Variants in LIMCH1 observed in about 807,000 individuals in gnomAD.
LIMCH1 encodes the protein LIM and calponin homology domains 1, also known as LIM and calponin homology domains-containing protein 1.
Under a neutral mutation model 176.5 loss-of-function variants are expected in LIMCH1, and 113 were observed. The ratio of observed to expected loss-of-function variants is 0.64; its 90% CI spans 0.55 to 0.75. LIMCH1 has a LOEUF of 0.75. LIMCH1 is among the 30% of genes least tolerant of loss of function. The pLI is 0.00. For missense variants in LIMCH1, 1,674 were observed against 1,814.9 expected, an observed-to-expected ratio of 0.92 and a Z score of 1.41; for synonymous variants, 619 against 645.9, an observed-to-expected ratio of 0.96 and a Z score of 0.63.
chr4:41,632,534 CAG>C (rs1446119687), intron 10 of LIMCH1, among the ~76,000 whole-genome samples: 6 of 152,194 alleles, frequency 3.9e-5, no homozygotes, highest in African/African-American at 1.4e-4. Flanking sequence ...CTTGTGGTGA[CAG>C]AGTCACACAG....
intron 1 of LIMCH1, among the ~76,000 whole-genome samples, chr4:41,564,343 C>G (rs2082436831): frequency 6.6e-6 from 1 of 152,104 alleles, no homozygotes; most frequent in South Asian, 2.1e-4. Flanking sequence ...TCAGGTTTTC[C>G]TGGTTCCCGT....
chr4:41,466,167 C>T (rs1287093433), intron 1 of LIMCH1, among the ~76,000 whole-genome samples: 1 of 152,130 alleles, frequency 6.6e-6, no homozygotes, highest in Non-Finnish European at 1.5e-5. Flanking sequence ...CCATGTTGGC[C>T]AGGATGGTCT....
rs762979334 is a variant in LIMCH1 at position 41,646,686 on chromosome 4, G to C, written c.2613G>C (p.Met871Ile). 6.2e-7 allele frequency: 1 copy of C among 1,614,186 alleles called. No individual in the cohort carries two copies. The highest frequency in any genetic ancestry group is 1.7e-5 in the Admixed American group (1 of 60,026). The change falls in exon 17 of 32, where the codon ATG (methionine) becomes ATC (isoleucine). Residue 871 changes from methionine to isoleucine, a missense_variant. Coordinates refer to ENST00000503057, the MANE Select transcript of LIMCH1 (RefSeq NM_001330672.2). ...CCTTCCTGAATGACCCCAATCCCAT[G>C]AAATACCTGCGGCAACAGTCACTGC... The part of the protein sequence containing the change: ...LSSFLNDPNP[M>I]KYLRQQSLPP...
At chr4:41,503,589 T>G (rs74776003) in intron 2 of LIMCH1, among the ~76,000 whole-genome samples, 9,463 of 152,216 alleles carry the variant, frequency 0.062, 331 homozygotes, top group Non-Finnish European at 0.07. Flanking sequence ...CATAGGGGTG[T>G]GTTCAGAGAA....
chr4:41,419,138 A>G (rs1483253342), intron 1 of LIMCH1, among the ~76,000 whole-genome samples: 1 of 126,408 alleles, frequency 7.9e-6, no homozygotes, highest in African/African-American at 3.5e-5. Context: ...ATTTTATTTT[A>G]TTTTATTTTA....
chr4:41,620,693 C>T lies in LIMCH1; in HGVS notation c.725+3C>T. 1 of 1,529,360 alleles carries T rather than the reference C, an allele frequency of 6.5e-7. No individual in the cohort carries two copies. The highest frequency in any genetic ancestry group is 8.8e-7 in the Non-Finnish European group (1 of 1,142,322). 94.7% of individuals were successfully genotyped at this position (1,529,360 alleles called of 1,614,324 possible). ...CCAGCAGCACAGCGCTTTGCCAGGTCAGCTCTGGGCTGAGGGCTGGCCCGG... is the reference window on the plus strand; with the variant it reads ...CCAGCAGCACAGCGCTTTGCCAGGTTAGCTCTGGGCTGAGGGCTGGCCCGG... On this transcript the variant is annotated splice_donor_region_variant and intron_variant, in intron 7 of 31. Coordinates refer to ENST00000503057, the MANE Select transcript of LIMCH1 (RefSeq NM_001330672.2).
At chr4:41,633,369 G>A (rs1214852956) in intron 12 of LIMCH1, among the ~76,000 whole-genome samples, 179 bp from the exon 13 acceptor site, 3 of 152,204 alleles carry the variant, frequency 2.0e-5, no homozygotes, top group South Asian at 4.1e-4. Context: ...GTGAGTATCA[G>A]CTGCATGACA....
chr4:41,538,753 G>A (rs1039392210), intron 1 of LIMCH1, among the ~76,000 whole-genome samples: 4 of 152,100 alleles, frequency 2.6e-5, no homozygotes, highest in African/African-American at 9.7e-5. Flanking sequence ...CTGCATTCAT[G>A]GTGGGGCTGC....
intron 1 of LIMCH1, among the ~76,000 whole-genome samples, chr4:41,579,003 C>G (rs2084958268): frequency 6.6e-6 from 1 of 151,646 alleles, no homozygotes; most frequent in Admixed American, 6.6e-5. Context: ...GCACCCAGCT[C>G]TATTTATATT....
intron 17 of LIMCH1, among the ~76,000 whole-genome samples, 184 bp from the exon 18 acceptor site, chr4:41,650,209 C>T (rs2094231422): frequency 6.6e-6 from 1 of 152,164 alleles, no homozygotes; most frequent in Non-Finnish European, 1.5e-5. Context: ...AGGAGGCCCT[C>T]AAAGATAGCA....
At position 41,549,200 on chromosome 4, in the gene LIMCH1, T is replaced by C. The variant is rs573278474; in HGVS notation, c.-241+10850T>C. ...GGCCACTGTGCTGGGCCTGTTAATA[T>C]TAACTACCATTTATTTAGTACCTAC... On this transcript the variant is annotated intron_variant, in intron 1 of 31. Transcript: ENST00000503057. Among the ~76,000 whole-genome samples the C allele has an allele frequency of 3.9e-5, 6 of 152,312 alleles. 1 individual carries two copies. The South Asian group carries it at 1.2e-3, about 32-fold the overall frequency.
chr4:41,663,135 G>T (rs1302037543), intron 20 of LIMCH1, 151 bp downstream of exon 20: 38 of 113,926 alleles, frequency 3.3e-4, no homozygotes, highest in Middle Eastern at 1.9e-3. Context: ...TTTCTTTTTC[G>T]TGTGTGTGTG....
At chr4:41,543,795 A>C (rs2078998309) in intron 1 of LIMCH1, among the ~76,000 whole-genome samples, 1 of 152,038 alleles carries the variant, frequency 6.6e-6, no homozygotes, top group Non-Finnish European at 1.5e-5. Context: ...TGTGGTGTGT[A>C]TTTATTTTGT....
chr4:41,629,682 A>G lies in LIMCH1; in HGVS notation c.1219A>G (p.Thr407Ala), dbSNP rs1354985734. Reference sequence around the variant, plus strand: ...GAGCTTCATTACGCTCTCCAACATAACAGAAGCTGACTTGGAGACGTGGGA... The same window carrying G: ...GAGCTTCATTACGCTCTCCAACATAGCAGAAGCTGACTTGGAGACGTGGGA... ...PPSFITLSNI[T>A]EADLETWERL... Residue 407 changes from threonine to alanine, a missense_variant, in exon 9 of 32, where the codon ACA (threonine) becomes GCA (alanine). This residue lies in a region of LIMCH1 where 655 missense variants were observed against 692.2 expected (regional missense o/e 0.95). Coordinates refer to ENST00000503057, the MANE Select transcript of LIMCH1 (RefSeq NM_001330672.2). 2.0e-6 allele frequency: 3 copies of G among 1,535,976 alleles called. No homozygotes were observed. The highest frequency in any genetic ancestry group is 1.7e-6 in the Non-Finnish European group (2 of 1,146,862).
At chr4:41,463,452 G>A (rs1244606004) in intron 1 of LIMCH1, among the ~76,000 whole-genome samples, 2 of 152,080 alleles carry the variant, frequency 1.3e-5, no homozygotes, top group African/African-American at 2.4e-5. Context: ...AATTAAATTG[G>A]TGGAAAGCTA....
intron 5 of LIMCH1, among the ~76,000 whole-genome samples, chr4:41,618,452 A>G (rs2092308266): frequency 6.6e-6 from 1 of 152,214 alleles, no homozygotes. Context: ...ACTGTGTACA[A>G]AGGCAATGAC....
chr4:41,654,294 G>C (rs889496038), intron 18 of LIMCH1, among the ~76,000 whole-genome samples: 10 of 152,264 alleles, frequency 6.6e-5, no homozygotes, highest in Admixed American at 5.9e-4. Flanking sequence ...GCATGGTTGT[G>C]AGTGAGCCGC....
Position 41,699,737 on chromosome 4 carries a change from G to A in LIMCH1, c.*2552G>A, listed in dbSNP as rs1732362599. 6.6e-6 allele frequency: 1 copy of A among 152,076 alleles called. No individual in the cohort carries two copies. Among genetic ancestry groups the A allele is most frequent in the Non-Finnish European group, 1.5e-5 (1 of 68,000 alleles). 9.4% of individuals were successfully genotyped at this position (152,076 alleles called of 1,614,324 possible). On this transcript the variant is annotated 3_prime_UTR_variant, in exon 32 of 32. Transcript: ENST00000503057. ...TAATAAAAATAATGGGTAACTTTTTGTTTTTCACTAGCGAACTTCCATGAC... is the reference window on the plus strand; with the variant it reads ...TAATAAAAATAATGGGTAACTTTTTATTTTTCACTAGCGAACTTCCATGAC...
At chr4:41,555,249 A>G (rs1025815033) in intron 1 of LIMCH1, among the ~76,000 whole-genome samples, 1 of 152,216 alleles carries the variant, frequency 6.6e-6, no homozygotes, top group East Asian at 1.9e-4. Context: ...GTTTTCATGG[A>G]AAGTTCAAAC....
Sources: gnomAD v4.1 joint callset for allele counts (sites outside exome capture counted in the v4.1 genomes callset) on GRCh38, gnomAD v4.1.1 for gene constraint, gnomAD v4.1.1 regional missense constraint, MANE v1.5 for transcripts, NCBI Gene and HGNC (gene_info 2026-07-23, HGNC 2026-07-21) for gene names.